The following ZCCHC14 variants were observed in gnomAD, a reference collection of about 807,000 sequenced individuals.
ZCCHC14 encodes the protein zinc finger CCHC-type containing 14, also known as zinc finger CCHC domain-containing protein 14.
A neutral mutation model predicts 85.0 loss-of-function variants in ZCCHC14; 16 were observed. The ratio of observed to expected loss-of-function variants is 0.19; its 90% CI spans 0.13 to 0.29. ZCCHC14 has a LOEUF of 0.29. ZCCHC14 is among the 10% of genes least tolerant of loss of function. The probability of loss-of-function intolerance (pLI) is 1.00; values close to 1 mark genes in which losing one functional copy is unlikely to be tolerated. For missense variants in ZCCHC14, 1,303 were observed against 1,443.5 expected (o/e 0.90, Z 1.58); for synonymous variants, 775 against 630.7 (o/e 1.23, Z -3.43).
chr16:87,427,574 T>TA (rs1262770640), intron 3 of ZCCHC14, among the ~76,000 whole-genome samples: 7 of 152,152 alleles, frequency 4.6e-5, no homozygotes, highest in Non-Finnish European at 1.0e-4. Flanking sequence ...AAGATAACAC[T>TA]AAAATAACGT....
intron 3 of ZCCHC14, among the ~76,000 whole-genome samples, chr16:87,432,151 G>A (rs1271505118): frequency 6.6e-6 from 1 of 152,146 alleles, no homozygotes; most frequent in Non-Finnish European, 1.5e-5. Flanking sequence ...AGTTCTGTCT[G>A]GAGAGCACTC....
In ZCCHC14 at chr16:87,411,226, T is replaced by C. The variant is rs181881123; in HGVS notation, c.3205+290A>G. On this transcript the variant is annotated intron_variant, in intron 12 of 12. Transcript: ENST00000671377. ...GGGGCAGCACTGAATCCCTCACACG[T>C]GCCTCTCTGGGCTCGAATCAGGACA... 9.8e-4 allele frequency among the ~76,000 whole-genome samples: 149 copies of C among 152,272 alleles called. 2 individuals are homozygous for C. The East Asian group carries it at 0.024, about 24-fold the overall frequency.
At chr16:87,467,124 T>G in intron 1 of ZCCHC14, 1 of 810,046 alleles carries the variant, frequency 1.2e-6, no homozygotes, top group East Asian at 2.5e-5. Flanking sequence ...GCCTCAAAAG[T>G]GGTCCTCCAC....
At chr16:87,419,183 C>T (rs1219493634) in intron 6 of ZCCHC14, among the ~76,000 whole-genome samples, 1 of 151,476 alleles carries the variant, frequency 6.6e-6, no homozygotes, top group Non-Finnish European at 1.5e-5. Flanking sequence ...TGCTGGAGTG[C>T]AGTGGGGCAA....
chr16:87,467,839 G>A (rs1911598680), intron 1 of ZCCHC14, among the ~76,000 whole-genome samples: 1 of 152,198 alleles, frequency 6.6e-6, no homozygotes, highest in Non-Finnish European at 1.5e-5. Context: ...TTTTAGTAGA[G>A]ACGGGGTTTC....
At chr16:87,447,017 T>C (rs957917102) in intron 2 of ZCCHC14, among the ~76,000 whole-genome samples, 1 of 152,098 alleles carries the variant, frequency 6.6e-6, no homozygotes, top group Admixed American at 6.5e-5. Flanking sequence ...GAGAAGACAA[T>C]TTAGTAACAC....
chr16:87,410,913 G>A (rs1908400485), intron 12 of ZCCHC14, among the ~76,000 whole-genome samples: 1 of 152,232 alleles, frequency 6.6e-6, no homozygotes, highest in Non-Finnish European at 1.5e-5. Context: ...GTGGCACCAT[G>A]AGTTGTCAGA....
At chr16:87,476,788 G>A (rs1428288226) in intron 1 of ZCCHC14, among the ~76,000 whole-genome samples, 2 of 151,760 alleles carry the variant, frequency 1.3e-5, no homozygotes, top group African/African-American at 2.4e-5. Context: ...CTGGGCTGAC[G>A]GTCATACCGC....
At chr16:87,462,755 A>G (rs1911331635) in intron 1 of ZCCHC14, among the ~76,000 whole-genome samples, 1 of 148,986 alleles carries the variant, frequency 6.7e-6, no homozygotes, top group African/African-American at 2.5e-5. Context: ...AAAAAAAGAA[A>G]AAAGAAAAAA....
At chr16:87,426,352 C>G (rs1909370964) in intron 3 of ZCCHC14, among the ~76,000 whole-genome samples, 1 of 152,256 alleles carries the variant, frequency 6.6e-6, no homozygotes, top group Non-Finnish European at 1.5e-5. Flanking sequence ...TACCCCATTA[C>G]TTTACATTTC....
intron 2 of ZCCHC14, among the ~76,000 whole-genome samples, chr16:87,439,713 T>G (rs1910095523): frequency 6.6e-6 from 1 of 152,186 alleles, no homozygotes; most frequent in Admixed American, 6.5e-5. Context: ...ACAAGTTACA[T>G]TAAAAAACCA....
At chr16:87,449,846 A>C (rs1289019319) in intron 2 of ZCCHC14, among the ~76,000 whole-genome samples, 1 of 152,150 alleles carries the variant, frequency 6.6e-6, no homozygotes, top group East Asian at 1.9e-4. Context: ...GGAGTTCAAG[A>C]CCAGCCTGGC....
chr16:87,444,323 A>G (rs919345606), intron 2 of ZCCHC14, among the ~76,000 whole-genome samples: 4 of 152,210 alleles, frequency 2.6e-5, no homozygotes, highest in Non-Finnish European at 5.9e-5. Flanking sequence ...AAAAGACACA[A>G]AACATCAGTT....
chr16:87,428,965 G>A (rs924613113), intron 3 of ZCCHC14, among the ~76,000 whole-genome samples: 6 of 152,238 alleles, frequency 3.9e-5, no homozygotes, highest in African/African-American at 1.4e-4. Flanking sequence ...GTGAACGGGT[G>A]TCTTCGTTGT....
Position 87,430,524 on chromosome 16 carries a change from C to CT in ZCCHC14, c.768+2603dup, listed in dbSNP as rs142361433. ...CATATCACTTTAACTTGATTTCTTTCTTTTTTTTTTTTTTTGAGATGCAGT... is the reference window on the plus strand; with the variant it reads ...CATATCACTTTAACTTGATTTCTTTCTTTTTTTTTTTTTTTTGAGATGCAGT... On this transcript the variant is annotated intron_variant, in intron 3 of 12. Transcript: ENST00000671377. Among the ~76,000 whole-genome samples the CT allele has an allele frequency of 6.3e-3, 898 of 143,200 alleles. 5 individuals are homozygous for CT. The highest frequency in any genetic ancestry group is 0.015 in the African/African-American group (599 of 39,268). The allele number at this position is 143,200 out of a possible 152,430, so 93.9% of individuals were successfully genotyped here. A position where few individuals can be genotyped will look rare whatever the true frequency, so the allele number is the denominator to read the frequency against.
At chr16:87,440,191 GT>G (rs1910117335) in intron 2 of ZCCHC14, among the ~76,000 whole-genome samples, 1 of 151,636 alleles carries the variant, frequency 6.6e-6, no homozygotes, top group African/African-American at 2.4e-5. Context: ...TAAGATAAGA[GT>G]TTTGCTCTGT....
chr16:87,468,767 C>T (rs1182951633), intron 1 of ZCCHC14, among the ~76,000 whole-genome samples: 3 of 152,190 alleles, frequency 2.0e-5, no homozygotes, highest in Admixed American at 6.5e-5. Flanking sequence ...ATGCAGCCAA[C>T]GGAGACCAGC....
At chr16:87,455,857 A>T (rs2150754989) in intron 2 of ZCCHC14, among the ~76,000 whole-genome samples, 1 of 152,348 alleles carries the variant, frequency 6.6e-6, no homozygotes, top group African/African-American at 2.4e-5. Flanking sequence ...TTCACTATGA[A>T]GTGGGCTGTG....
chr16:87,418,121 T>C (rs1230498153), intron 7 of ZCCHC14, among the ~76,000 whole-genome samples: 1 of 152,216 alleles, frequency 6.6e-6, no homozygotes, highest in African/African-American at 2.4e-5. Flanking sequence ...TTACTTGTAT[T>C]TTTTAAAAAC....
Sources: gnomAD v4.1 joint callset for allele counts (sites outside exome capture counted in the v4.1 genomes callset) on GRCh38, gnomAD v4.1.1 for gene constraint, MANE v1.5 for transcripts, NCBI Gene and HGNC (gene_info 2026-07-23, HGNC 2026-07-21) for gene names.